Variants in NEMP2 observed in about 807,000 individuals in gnomAD.
NEMP2 encodes UPF0571 transmembrane protein.
A neutral mutation model predicts 54.2 loss-of-function variants in NEMP2; 53 were observed. The ratio of observed to expected loss-of-function variants is 0.98; its 90% confidence interval spans 0.78 to 1.23. NEMP2 has a LOEUF of 1.23. Ranked by LOEUF, NEMP2 falls within the 50% of genes most tolerant of loss-of-function variation. NEMP2 has a pLI of 0.00. For missense variants in NEMP2, 455 were observed against 511.3 expected, an observed-to-expected ratio of 0.89 and a Z score of 1.06; for synonymous variants, 197 against 190.3, an observed-to-expected ratio of 1.04 and a Z score of -0.29.
chr2:190,640,787 A>ATTTTTTTTTTTTT, the NEMP2 span, among the ~76,000 whole-genome samples: 8 of 118,024 alleles, frequency 6.8e-5, no homozygotes, highest in African/African-American at 2.8e-4. Flanking sequence ...AACACATTCA[A>ATTTTTTTTTTTTT]TTTTTTTTTT....
At chr2:190,490,293 G>A in the NEMP2 span, among the ~76,000 whole-genome samples, 1 of 151,642 alleles carries the variant, frequency 6.6e-6, no homozygotes, top group African/African-American at 2.4e-5. This position sits in a 1 kb window ranked among gnomAD's most constrained non-coding sequence, Gnocchi z 4.5. Context: ...GCCGGGTGCA[G>A]TGGCTCACGC....
At chr2:190,434,719 AC>A in the NEMP2 span, among the ~76,000 whole-genome samples, 1 of 152,194 alleles carries the variant, frequency 6.6e-6, no homozygotes, top group South Asian at 2.1e-4. The surrounding 1 kb of genome is among the most constrained non-coding windows in gnomAD (Gnocchi z 4.3). Flanking sequence ...GGTGTGAGCC[AC>A]CGCGCCCGGC....
the NEMP2 span, among the ~76,000 whole-genome samples, chr2:190,604,244 A>G: frequency 1.3e-5 from 2 of 152,172 alleles, no homozygotes; most frequent in Admixed American, 1.3e-4. The surrounding 1 kb of genome is among the most constrained non-coding windows in gnomAD (Gnocchi z 4.5). Context: ...CAGTACAATG[A>G]TTTCATCCGT....
the NEMP2 span, among the ~76,000 whole-genome samples, chr2:190,466,640 A>C: frequency 6.6e-6 from 1 of 152,220 alleles, no homozygotes; most frequent in Non-Finnish European, 1.5e-5. Flanking sequence ...TCATTTTCAC[A>C]ACAAACCTAC....
the NEMP2 span, among the ~76,000 whole-genome samples, chr2:190,539,931 C>A: frequency 6.6e-6 from 1 of 152,080 alleles, no homozygotes; most frequent in Non-Finnish European, 1.5e-5. This position sits in a 1 kb window ranked among gnomAD's most constrained non-coding sequence, Gnocchi z 4.1. Flanking sequence ...TGCCTAATTG[C>A]TCTTGCTAGG....
the NEMP2 span, among the ~76,000 whole-genome samples, chr2:190,496,657 T>C: frequency 4.0e-5 from 6 of 151,496 alleles, no homozygotes; most frequent in African/African-American, 1.5e-4. This position sits in a 1 kb window ranked among gnomAD's most constrained non-coding sequence, Gnocchi z 4.7. Context: ...TATATGTGTA[T>C]ATGTGTGTGT....
the NEMP2 span, among the ~76,000 whole-genome samples, chr2:190,572,836 TATATATATATATATATATATATATA>T: frequency 1.6e-4 from 15 of 93,910 alleles, no homozygotes; most frequent in South Asian, 3.7e-4. Context: ...TTCATGAGTA[TATATATATATATATATATATATATA>T]TATATATATA....
chr2:190,437,062 G>A, the NEMP2 span: 15 of 1,614,184 alleles, frequency 9.3e-6, no homozygotes, highest in South Asian at 4.4e-5. This position sits in a 1 kb window ranked among gnomAD's most constrained non-coding sequence, Gnocchi z 5.9. Context: ...TGTGGGCATC[G>A]GGATCGACTA....
the NEMP2 span, among the ~76,000 whole-genome samples, chr2:190,479,411 C>A: frequency 6.6e-6 from 1 of 152,102 alleles, no homozygotes; most frequent in African/African-American, 2.4e-5. Context: ...GTCTACGTGC[C>A]TAAAAGCATT....
the NEMP2 span, among the ~76,000 whole-genome samples, chr2:190,583,542 A>G: frequency 6.6e-6 from 1 of 152,358 alleles, no homozygotes; most frequent in East Asian, 1.9e-4. Context: ...TTAAAGTATC[A>G]CATATTCATT....
At position 190,519,061 on chromosome 2, in the gene NEMP2, C is replaced by G. The variant is rs1325489773; in HGVS notation, c.336G>C (p.Lys112Asn). The G allele has an allele frequency of 6.4e-7, 1 of 1,550,944 alleles. No homozygotes were observed. The highest frequency in any genetic ancestry group is 2.4e-5 in the East Asian group (1 of 40,888). ...KCVIHNFWIP[K>N]ESNEITIIIN... ...TGATTATGGTTATTTCGTTAGATTCCTTTGGTATCCAAAAGTTATGAATCA... is the reference window on the plus strand; with the variant it reads ...TGATTATGGTTATTTCGTTAGATTCGTTTGGTATCCAAAAGTTATGAATCA... Residue 112 changes from lysine (K) to asparagine (N), a missense_variant, in exon 3 of 9, where the codon AAG becomes AAC. Lys to Asn is a moderately conservative substitution (Grantham distance 94). Around this residue, in one of 3 missense-constraint regions of NEMP2, gnomAD observed 61 missense variants for 97.5 expected, o/e 0.63. Coordinates refer to ENST00000409150, the MANE Select transcript of NEMP2 (RefSeq NM_001142645.2). This position sits in a 1 kb window ranked among gnomAD's most constrained non-coding sequence, Gnocchi z 5.4.
the NEMP2 span, among the ~76,000 whole-genome samples, chr2:190,490,355 A>G: frequency 1.3e-5 from 2 of 151,842 alleles, no homozygotes; most frequent in African/African-American, 4.8e-5. The surrounding 1 kb of genome is among the most constrained non-coding windows in gnomAD (Gnocchi z 4.5). Context: ...CGAGGTTAGG[A>G]GATCAAGACC....
chr2:190,539,970 G>A, the NEMP2 span, among the ~76,000 whole-genome samples: 1 of 152,258 alleles, frequency 6.6e-6, no homozygotes, highest in South Asian at 2.1e-4. This position sits in a 1 kb window ranked among gnomAD's most constrained non-coding sequence, Gnocchi z 4.1. Context: ...GCTAAAAGTA[G>A]TGAAAGTGGA....
At chr2:190,469,931 A>G in the NEMP2 span, 1 of 1,003,308 alleles carries the variant, frequency 1.0e-6, no homozygotes, top group Non-Finnish European at 1.5e-6. The surrounding 1 kb of genome is among the most constrained non-coding windows in gnomAD (Gnocchi z 5.3). Flanking sequence ...GGCCTTCAGC[A>G]TCTGATTCTA....
At chr2:190,494,474 A>T in the NEMP2 span, among the ~76,000 whole-genome samples, 1 of 152,224 alleles carries the variant, frequency 6.6e-6, no homozygotes. This position sits in a 1 kb window ranked among gnomAD's most constrained non-coding sequence, Gnocchi z 5.7. Flanking sequence ...ATAGAGAAAG[A>T]GGGAATCCTC....
the NEMP2 span, among the ~76,000 whole-genome samples, chr2:190,452,364 ATTGC>A: frequency 6.6e-6 from 1 of 152,194 alleles, no homozygotes; most frequent in Non-Finnish European, 1.5e-5. Context: ...CTACCATTTG[ATTGC>A]TTATTACATA....
the NEMP2 span, among the ~76,000 whole-genome samples, chr2:190,433,568 T>C: frequency 6.6e-6 from 1 of 152,218 alleles, no homozygotes; most frequent in Non-Finnish European, 1.5e-5. This position sits in a 1 kb window ranked among gnomAD's most constrained non-coding sequence, Gnocchi z 4.5. Context: ...AAATTACCGC[T>C]GAATTGTTCA....
downstream of NEMP2, among the ~76,000 whole-genome samples, chr2:190,502,545 C>G (rs1424957054): frequency 6.6e-6 from 1 of 152,188 alleles, no homozygotes; most frequent in Non-Finnish European, 1.5e-5. The surrounding 1 kb of genome is among the most constrained non-coding windows in gnomAD (Gnocchi z 4.4). Context: ...CATACATTGT[C>G]CAGCAGGCAG....
the NEMP2 span, chr2:190,436,344 A>C: frequency 3.7e-6 from 6 of 1,614,216 alleles, no homozygotes; most frequent in Non-Finnish European, 3.4e-6. This position sits in a 1 kb window ranked among gnomAD's most constrained non-coding sequence, Gnocchi z 5.3. Flanking sequence ...AGAGTGGACT[A>C]CTAGTAGGTA....
Sources: allele counts gnomAD v4.1 joint callset (sites outside exome capture counted in the v4.1 genomes callset), GRCh38; gene constraint gnomAD v4.1.1; regional missense constraint gnomAD v4.1.1; non-coding constraint Gnocchi (gnomAD v3.1); transcripts MANE v1.5; gene names NCBI Gene and HGNC (gene_info 2026-07-23, HGNC 2026-07-21).